Variants in NRCAM observed in about 807,000 individuals in gnomAD.
NRCAM encodes NgCAM-related cell adhesion molecule.
NRCAM carries 83 observed loss-of-function variants against 156.5 expected under a neutral mutation model. The observed-to-expected ratio is 0.53, with a 90% CI of 0.44 to 0.64. The LOEUF is 0.64. NRCAM is among the 30% of genes least tolerant of loss of function. The pLI, the probability that NRCAM is intolerant of heterozygous loss-of-function variation, is 0.00. For synonymous variants in NRCAM, 538 were observed against 563.9 expected, an observed-to-expected ratio of 0.95 and a Z score of 0.65; for missense variants, 1,417 against 1,597.3, an observed-to-expected ratio of 0.89 and a Z score of 1.92.
At chr7:108,258,675 G>A (rs2096775937) in intron 3 of NRCAM, among the ~76,000 whole-genome samples, 2 of 152,174 alleles carry the variant, frequency 1.3e-5, no homozygotes, top group East Asian at 1.9e-4. Context: ...CCTGTAAAAC[G>A]GGGCTAATTT....
chr7:108,433,075 T>G (rs906337071), intron 1 of NRCAM, among the ~76,000 whole-genome samples: 13 of 152,296 alleles, frequency 8.5e-5, no homozygotes, highest in African/African-American at 3.1e-4. Flanking sequence ...GCAGGCCTAA[T>G]CATACTTGGA....
intron 1 of NRCAM, among the ~76,000 whole-genome samples, chr7:108,426,311 T>C (rs180737751): frequency 6.6e-6 from 1 of 152,388 alleles, no homozygotes; most frequent in Non-Finnish European, 1.5e-5. Context: ...CAATAAAACA[T>C]ACCTTCTTCA....
intron 13 of NRCAM, among the ~76,000 whole-genome samples, chr7:108,204,595 G>T (rs1224336196): frequency 1.3e-5 from 2 of 152,238 alleles, no homozygotes; most frequent in Non-Finnish European, 2.9e-5. Flanking sequence ...CCACGGAGCG[G>T]CCTGGTGGTG....
intron 2 of NRCAM, among the ~76,000 whole-genome samples, chr7:108,393,739 T>C (rs1045556747): frequency 2.0e-5 from 3 of 152,160 alleles, no homozygotes; most frequent in Non-Finnish European, 4.4e-5. Context: ...CCCCGTTTAA[T>C]TTTTTATAGT....
At chr7:108,372,675 G>A (rs1482485683) in intron 2 of NRCAM, among the ~76,000 whole-genome samples, 1 of 152,094 alleles carries the variant, frequency 6.6e-6, no homozygotes, top group Non-Finnish European at 1.5e-5. Context: ...TTGTTAGAAT[G>A]GCCATTACAA....
chr7:108,400,597 G>T (rs979428461), intron 1 of NRCAM, among the ~76,000 whole-genome samples: 3 of 152,162 alleles, frequency 2.0e-5, no homozygotes, highest in African/African-American at 7.2e-5. Flanking sequence ...GACCCCTCTA[G>T]CTCTAACATT....
At chr7:108,341,735 C>A (rs1389487951) in intron 2 of NRCAM, among the ~76,000 whole-genome samples, 1 of 152,104 alleles carries the variant, frequency 6.6e-6, no homozygotes, top group Admixed American at 6.5e-5. Flanking sequence ...ACCCGAGGCC[C>A]AACAAAGACT....
intron 4 of NRCAM, among the ~76,000 whole-genome samples, chr7:108,238,602 T>C (rs1298364576): frequency 1.3e-5 from 2 of 152,180 alleles, no homozygotes; most frequent in African/African-American, 4.8e-5. Context: ...TTCCCTCTGC[T>C]TGACAGATTG....
intron 2 of NRCAM, among the ~76,000 whole-genome samples, chr7:108,362,307 A>G (rs1316857910): frequency 6.6e-6 from 1 of 152,172 alleles, no homozygotes; most frequent in African/African-American, 2.4e-5. Context: ...GCCCTGTGTC[A>G]TGACCTAATC....
intron 30 of NRCAM, among the ~76,000 whole-genome samples, chr7:108,161,013 A>G (rs2048609607): frequency 6.6e-6 from 1 of 152,250 alleles, no homozygotes; most frequent in East Asian, 1.9e-4. Flanking sequence ...GGTCCACACA[A>G]GAAACCTTTC....
intron 2 of NRCAM, among the ~76,000 whole-genome samples, chr7:108,349,248 C>T (rs1185078724): frequency 6.6e-6 from 1 of 151,114 alleles, no homozygotes; most frequent in Non-Finnish European, 1.5e-5. Context: ...TGTTACTGCT[C>T]TTTAAATTTG....
rs542977909 is a variant in NRCAM at position 108,387,223 on chromosome 7, T to G, written c.-174+12213A>C. Among the ~76,000 whole-genome samples the G allele has an allele frequency of 2.6e-4, 40 of 152,270 alleles. No homozygotes were observed. In the South Asian group the frequency reaches 7.9e-3, roughly 30 times the overall value. On this transcript the variant is annotated intron_variant, in intron 2 of 32. Coordinates refer to ENST00000379028, the MANE Select transcript of NRCAM (RefSeq NM_001037132.4). ...TTTCTTTAATCACTATAGTTTCCCT[T>G]TGGAATCCTGTCCAATTTCTCCACA...
chr7:108,446,915 A>T (rs1427043101), intron 1 of NRCAM, among the ~76,000 whole-genome samples: 3 of 151,504 alleles, frequency 2.0e-5, no homozygotes, highest in Non-Finnish European at 4.4e-5. Flanking sequence ...TTTTTAGTAG[A>T]GATGGGGTTT....
intron 19 of NRCAM, among the ~76,000 whole-genome samples, chr7:108,190,732 G>A (rs1407318878): frequency 6.6e-6 from 1 of 152,124 alleles, no homozygotes; most frequent in East Asian, 1.9e-4. Flanking sequence ...TTTCTTGAGT[G>A]ATTTGTCTTT....
At chr7:108,214,753 C>T (rs867292338) in intron 11 of NRCAM, among the ~76,000 whole-genome samples, 51 of 152,298 alleles carry the variant, frequency 3.3e-4, no homozygotes, top group African/African-American at 1.1e-3. Context: ...ATAAATTTCC[C>T]TCTAAACACT....
intron 3 of NRCAM, among the ~76,000 whole-genome samples, chr7:108,247,908 C>T (rs1053547051): frequency 1.3e-5 from 2 of 152,234 alleles, no homozygotes; most frequent in African/African-American, 4.8e-5. Flanking sequence ...AAGTCCACTT[C>T]TCAGCTGATT....
At chr7:108,435,582 AAC>A (rs1235272753) in intron 1 of NRCAM, among the ~76,000 whole-genome samples, 1 of 152,226 alleles carries the variant, frequency 6.6e-6, no homozygotes, top group African/African-American at 2.4e-5. Context: ...AGTCAGGAAC[AAC>A]AGACACTGGG....
chr7:108,269,101 T>C (rs1590989213), intron 3 of NRCAM, among the ~76,000 whole-genome samples: 2 of 151,894 alleles, frequency 1.3e-5, no homozygotes, highest in Admixed American at 1.3e-4. Flanking sequence ...AGTGAGGCAT[T>C]TACCTCAGAT....
intron 2 of NRCAM, among the ~76,000 whole-genome samples, chr7:108,392,068 C>A (rs1451780326): frequency 6.6e-6 from 1 of 152,128 alleles, no homozygotes; most frequent in East Asian, 1.9e-4. Context: ...TTGCTCTTCT[C>A]AAGGAGTATC....
Sources: gnomAD v4.1 joint callset for allele counts (sites outside exome capture counted in the v4.1 genomes callset) on GRCh38, gnomAD v4.1.1 for gene constraint, MANE v1.5 for transcripts, NCBI Gene and HGNC (gene_info 2026-07-23, HGNC 2026-07-21) for gene names.